DIP2B: variants seen among roughly 807,000 people sequenced by gnomAD.
DIP2B encodes the protein DIP2 acetate--CoA ligase B (putative).
In DIP2B, 76 loss-of-function variants were observed where a neutral mutation model predicts 198.0. That is an observed-to-expected ratio of 0.38 (90% CI 0.32 to 0.46). The LOEUF (loss-of-function observed/expected upper bound fraction) is 0.46, where lower values mean the gene tolerates loss of function less well. Among genes scored for constraint, DIP2B ranks in the 20% least tolerant of loss-of-function variants. The pLI is 0.99. For missense variants in DIP2B, 1,559 were observed against 1,978.4 expected (o/e 0.79, Z 4.02); for synonymous variants, 701 against 739.1 (o/e 0.95, Z 0.84).
intron 23 of DIP2B, among the ~76,000 whole-genome samples, chr12:50,717,290 T>A (rs1939742697): frequency 6.7e-6 from 1 of 149,516 alleles, no homozygotes; most frequent in African/African-American, 2.5e-5. Context: ...TTGTTTTTGT[T>A]TTTTGAGACA....
At chr12:50,593,462 G>A (rs957947738) in intron 1 of DIP2B, among the ~76,000 whole-genome samples, 3 of 151,224 alleles carry the variant, frequency 2.0e-5, no homozygotes, top group African/African-American at 7.3e-5. Flanking sequence ...CTGAGATCGC[G>A]CTGCTACACT....
In DIP2B at chr12:50,672,934, A is replaced by G. The variant is rs372241671; in HGVS notation, c.640+1536A>G. On this transcript the variant is annotated intron_variant, in intron 5 of 37. Coordinates refer to ENST00000301180, the MANE Select transcript of DIP2B (RefSeq NM_173602.3). ...TTACACTATTATTTTTATGGTTTCA[A>G]TATACACTATTGTGTGACTCTCTGC... 2.5e-4 allele frequency among the ~76,000 whole-genome samples: 38 copies of G among 152,308 alleles called. No individual in the cohort carries two copies. In the East Asian group the frequency reaches 3.1e-3, roughly 12 times the overall value.
chr12:50,685,589 C>T (rs572891127), intron 10 of DIP2B, among the ~76,000 whole-genome samples: 3 of 152,114 alleles, frequency 2.0e-5, no homozygotes, highest in Non-Finnish European at 2.9e-5. Context: ...TTACATTTGT[C>T]TGGTAGGATT....
At chr12:50,533,228 G>T (rs1051572941) in intron 1 of DIP2B, among the ~76,000 whole-genome samples, 45 of 152,328 alleles carry the variant, frequency 3.0e-4, no homozygotes, top group African/African-American at 1.0e-3. Context: ...TCTGTTTTCA[G>T]TCTCATCAAA....
At chr12:50,648,524 C>G (rs918941404) in intron 3 of DIP2B, among the ~76,000 whole-genome samples, 2 of 152,014 alleles carry the variant, frequency 1.3e-5, no homozygotes, top group Non-Finnish European at 2.9e-5. Flanking sequence ...CCACCACGCC[C>G]GGCTAATTTT....
chr12:50,672,763 T>G (rs116045678), intron 5 of DIP2B, among the ~76,000 whole-genome samples: 3 of 152,238 alleles, frequency 2.0e-5, no homozygotes, highest in African/African-American at 4.8e-5. Flanking sequence ...TACTTTAGTA[T>G]TATTACTGTA....
intron 23 of DIP2B, among the ~76,000 whole-genome samples, chr12:50,717,784 T>G (rs972968154): frequency 6.6e-6 from 1 of 151,658 alleles, no homozygotes; most frequent in Admixed American, 6.6e-5. Context: ...GACAGGGTTT[T>G]GCCATGTTGC....
At chr12:50,680,622 A>G in intron 8 of DIP2B, 50 bp from the exon 9 acceptor site, 1 of 1,526,774 alleles carries the variant, frequency 6.5e-7, no homozygotes, top group Non-Finnish European at 9.0e-7. Context: ...ATTGAGGTAG[A>G]CCTGTTTTTT....
intron 37 of DIP2B, 140 bp downstream of exon 37, chr12:50,741,679 C>G (rs1420421870): frequency 1.6e-6 from 2 of 1,214,784 alleles, no homozygotes; most frequent in Non-Finnish European, 2.2e-6. Context: ...TAGACTGATT[C>G]TTGTCTTGGG....
At chr12:50,737,211 G>C in intron 35 of DIP2B, 101 bp downstream of exon 35, 1 of 1,085,192 alleles carries the variant, frequency 9.2e-7, no homozygotes, top group South Asian at 1.4e-5. Flanking sequence ...GCTTTCCCCC[G>C]TTGTGAATGG....
At chr12:50,702,756 A>AAG (rs1939443445) in intron 19 of DIP2B, among the ~76,000 whole-genome samples, 2 of 149,930 alleles carry the variant, frequency 1.3e-5, no homozygotes, top group African/African-American at 4.9e-5. Context: ...AAAAAAAAAA[A>AAG]AAGGAGGGGT....
chr12:50,612,875 C>G (rs947750064), intron 1 of DIP2B, among the ~76,000 whole-genome samples: 2 of 152,148 alleles, frequency 1.3e-5, no homozygotes, highest in Non-Finnish European at 2.9e-5. Flanking sequence ...ATCCTCTTTT[C>G]CTGTTACACC....
At chr12:50,600,933 C>CCAT (rs1958930569) in intron 1 of DIP2B, among the ~76,000 whole-genome samples, 1 of 145,380 alleles carries the variant, frequency 6.9e-6, no homozygotes, top group African/African-American at 2.8e-5. Flanking sequence ...ACCACCACCA[C>CCAT]CACCACTACC....
chr12:50,542,226 G>C (rs2139376039), intron 1 of DIP2B, among the ~76,000 whole-genome samples: 1 of 145,422 alleles, frequency 6.9e-6, no homozygotes, highest in African/African-American at 2.6e-5. Flanking sequence ...TCCAGCCTGG[G>C]TGACAGAGTG....
chr12:50,611,065 T>C (rs548470140), intron 1 of DIP2B, among the ~76,000 whole-genome samples: 6 of 152,306 alleles, frequency 3.9e-5, no homozygotes, highest in African/African-American at 1.4e-4. Flanking sequence ...CCTAAAGTGC[T>C]GGGATTACAG....
chr12:50,582,699 C>G (rs551663932), intron 1 of DIP2B, among the ~76,000 whole-genome samples: 1 of 152,292 alleles, frequency 6.6e-6, no homozygotes, highest in African/African-American at 2.4e-5. Context: ...CATCTACTTT[C>G]ATCTGTGCCC....
intron 2 of DIP2B, among the ~76,000 whole-genome samples, chr12:50,631,229 A>G (rs1938047020): frequency 7.1e-6 from 1 of 139,982 alleles, no homozygotes; most frequent in Non-Finnish European, 1.6e-5. Flanking sequence ...CCTGGGTTCA[A>G]GCGATTTTTT....
chr12:50,567,153 T>C (rs1958572177), intron 1 of DIP2B, among the ~76,000 whole-genome samples: 1 of 152,180 alleles, frequency 6.6e-6, no homozygotes, highest in Non-Finnish European at 1.5e-5. Context: ...TAAAAAACAC[T>C]TTTATTTTGA....
chr12:50,736,165 G>T (rs1481116851), intron 34 of DIP2B, among the ~76,000 whole-genome samples: 1 of 152,158 alleles, frequency 6.6e-6, no homozygotes, highest in Admixed American at 6.5e-5. Context: ...ACCCCATGGG[G>T]CGCTTACTCC....
Sources: allele counts gnomAD v4.1 joint callset (sites outside exome capture counted in the v4.1 genomes callset), GRCh38; gene constraint gnomAD v4.1.1; transcripts MANE v1.5; gene names NCBI Gene and HGNC (gene_info 2026-07-23, HGNC 2026-07-21).